The following TMEM132C variants were observed in gnomAD, a reference collection of about 807,000 sequenced individuals.
The protein encoded by TMEM132C is protein phosphatase 1, regulatory subunit 152.
A neutral mutation model predicts 61.4 loss-of-function variants in TMEM132C; 29 were observed. That is an observed-to-expected ratio of 0.47 (90% confidence interval 0.35 to 0.64). The LOEUF (loss-of-function observed/expected upper bound fraction) is 0.64, where lower values mean the gene tolerates loss of function less well. Among genes scored for constraint, TMEM132C ranks in the 30% least tolerant of loss-of-function variants. The pLI, the probability that TMEM132C is intolerant of heterozygous loss-of-function variation, is 0.00. For missense variants in TMEM132C, 1,408 were observed against 1,476.9 expected (o/e 0.95, Z 0.76); for synonymous variants, 656 against 633.1 (o/e 1.04, Z -0.54).
At chr12:128,477,951 T>C (rs1171226486) in intron 2 of TMEM132C, among the ~76,000 whole-genome samples, 1 of 152,184 alleles carries the variant, frequency 6.6e-6, no homozygotes, top group East Asian at 1.9e-4. Context: ...TGATGAAAAT[T>C]GGGCAAGAAC....
intron 3 of TMEM132C, among the ~76,000 whole-genome samples, chr12:128,589,752 T>C (rs545523676): frequency 6.7e-6 from 1 of 149,816 alleles, no homozygotes; most frequent in Non-Finnish European, 1.5e-5. Flanking sequence ...AAGCCTGGAT[T>C]TGAATTCCTT....
chr12:128,276,775 G>A (rs374814375), intron 1 of TMEM132C, among the ~76,000 whole-genome samples: 3 of 152,214 alleles, frequency 2.0e-5, no homozygotes, highest in Admixed American at 6.5e-5. Flanking sequence ...TTTGGCACGC[G>A]GTATTCTACT....
intron 1 of TMEM132C, among the ~76,000 whole-genome samples, chr12:128,313,365 C>T (rs1412437870): frequency 1.3e-5 from 2 of 152,188 alleles, no homozygotes; most frequent in African/African-American, 4.8e-5. Flanking sequence ...AGCCTTGGCA[C>T]CCCCAGTCTC....
At chr12:128,383,965 A>G (rs188489050) in intron 1 of TMEM132C, among the ~76,000 whole-genome samples, 1 of 152,238 alleles carries the variant, frequency 6.6e-6, no homozygotes, top group East Asian at 1.9e-4. Context: ...CTGTGGCCCT[A>G]TGGCTAATGC....
chr12:128,642,871 G>C (rs956263904), intron 4 of TMEM132C, among the ~76,000 whole-genome samples: 1 of 152,190 alleles, frequency 6.6e-6, no homozygotes, highest in African/African-American at 2.4e-5. Flanking sequence ...GGAATCCAGC[G>C]AACTGGCTTC....
At chr12:128,394,817 G>A (rs1288878842) in intron 1 of TMEM132C, among the ~76,000 whole-genome samples, 2 of 151,844 alleles carry the variant, frequency 1.3e-5, no homozygotes, top group East Asian at 3.9e-4. Flanking sequence ...AGCCAAATCG[G>A]GTAATAGCAG....
At chr12:128,479,315 A>G (rs1871250238) in intron 2 of TMEM132C, among the ~76,000 whole-genome samples, 1 of 152,158 alleles carries the variant, frequency 6.6e-6, no homozygotes, top group Non-Finnish European at 1.5e-5. Context: ...TCATGACACA[A>G]GTTTACCTAT....
intron 1 of TMEM132C, among the ~76,000 whole-genome samples, chr12:128,377,468 T>A (rs1241153298): frequency 6.6e-6 from 1 of 152,228 alleles, no homozygotes; most frequent in Non-Finnish European, 1.5e-5. Flanking sequence ...GTGGTGTTTT[T>A]CCCATTGTAG....
intron 2 of TMEM132C, among the ~76,000 whole-genome samples, chr12:128,510,136 TGAG>T (rs890672372): frequency 1.3e-5 from 2 of 152,120 alleles, no homozygotes; most frequent in Non-Finnish European, 2.9e-5. Flanking sequence ...GGGATTAAGG[TGAG>T]GAGAAGGATC....
At chr12:128,425,822 C>T (rs1370316196) in intron 2 of TMEM132C, among the ~76,000 whole-genome samples, 1 of 152,214 alleles carries the variant, frequency 6.6e-6, no homozygotes, top group Non-Finnish European at 1.5e-5. Flanking sequence ...CTTTCTCTTA[C>T]TAGGACATCT....
At chr12:128,450,597 G>A (rs1870145991) in intron 2 of TMEM132C, among the ~76,000 whole-genome samples, 1 of 152,118 alleles carries the variant, frequency 6.6e-6, no homozygotes, top group African/African-American at 2.4e-5. Flanking sequence ...ATTATGATTT[G>A]TATTCATATG....
At chr12:128,404,628 T>G (rs1324550593) in intron 1 of TMEM132C, 2 of 145,068 alleles carry the variant, frequency 1.4e-5, no homozygotes, top group Non-Finnish European at 3.0e-5. Flanking sequence ...CTTGCCATAT[T>G]CCATTCAACC....
rs183879856 is a variant in TMEM132C, at chr12:128,648,992, A to T, written c.1306-20425A>T. Among the ~76,000 whole-genome samples, 3 of 147,826 alleles carry T rather than the reference A, an allele frequency of 2.0e-5. 1 individual carries two copies. Among genetic ancestry groups the T allele is most frequent in the African/African-American group, 7.9e-5 (3 of 38,118 alleles). On this transcript the variant is annotated intron_variant, in intron 4 of 8. Transcript: ENST00000435159. ...AGTGTGTTTAGCTCAGTCCATCAGCATTGGATAAGTATGTTTACTGGAGTC... is the reference window on the plus strand; with the variant it reads ...AGTGTGTTTAGCTCAGTCCATCAGCTTTGGATAAGTATGTTTACTGGAGTC...
intron 2 of TMEM132C, among the ~76,000 whole-genome samples, chr12:128,421,487 T>G (rs1398361202): frequency 6.6e-6 from 1 of 152,218 alleles, no homozygotes; most frequent in Non-Finnish European, 1.5e-5. Context: ...CCAATGGGTC[T>G]TCGCACAATG....
chr12:128,547,465 G>A (rs1873994964), intron 3 of TMEM132C, among the ~76,000 whole-genome samples: 1 of 151,286 alleles, frequency 6.6e-6, no homozygotes, highest in South Asian at 2.1e-4. Context: ...TCGGGAGGCT[G>A]AGGCAGGAGA....
chr12:128,468,338 A>G (rs949323945), intron 2 of TMEM132C, among the ~76,000 whole-genome samples: 7 of 151,530 alleles, frequency 4.6e-5, no homozygotes, highest in African/African-American at 1.7e-4. Context: ...TCTTTTTGAG[A>G]CAGAGTTTTG....
At chr12:128,596,278 G>T (rs1875946435) in intron 3 of TMEM132C, among the ~76,000 whole-genome samples, 1 of 149,666 alleles carries the variant, frequency 6.7e-6, no homozygotes, top group African/African-American at 2.5e-5. Context: ...ACACTGGGCT[G>T]CCCCTTTCGC....
chr12:128,489,819 T>C (rs1377495032), intron 2 of TMEM132C, among the ~76,000 whole-genome samples: 1 of 152,104 alleles, frequency 6.6e-6, no homozygotes. Flanking sequence ...TGAGCGTCCT[T>C]CTATTAAAGA....
intron 1 of TMEM132C, among the ~76,000 whole-genome samples, chr12:128,346,610 C>G (rs1873166935): frequency 6.6e-6 from 1 of 152,090 alleles, no homozygotes; most frequent in Non-Finnish European, 1.5e-5. Context: ...TTATAGAGAT[C>G]CTTCATATCC....
Sources: allele counts gnomAD v4.1 joint callset (sites outside exome capture counted in the v4.1 genomes callset), GRCh38; gene constraint gnomAD v4.1.1; transcripts MANE v1.5; gene names NCBI Gene and HGNC (gene_info 2026-07-23, HGNC 2026-07-21).